TMEM18: variants seen among roughly 807,000 people sequenced by gnomAD.
TMEM18 encodes transmembrane protein 18.
TMEM18 carries 14 observed loss-of-function variants against 17.4 expected under a neutral mutation model. The ratio of observed to expected loss-of-function variants is 0.80; its 90% CI spans 0.53 to 1.25. The LOEUF (loss-of-function observed/expected upper bound fraction) is 1.25. Ranked by LOEUF, TMEM18 falls within the 50% of genes most tolerant of loss-of-function variation. TMEM18 has a pLI of 0.00. For synonymous variants in TMEM18, 86 were observed against 66.1 expected (o/e 1.30, Z -1.46); for missense variants, 187 against 172.1 (o/e 1.09, Z -0.48).
chr2:677,141 C>T (rs1207292577), intron 1 of TMEM18, 148 bp downstream of exon 1: 17 of 1,042,268 alleles, frequency 1.6e-5, no homozygotes, highest in Admixed American at 2.1e-5. Context: ...CCACAGGTCT[C>T]AGGACCCTGC....
intron 3 of TMEM18, chr2:670,630 C>CT (rs1204004859): frequency 2.0e-5 from 3 of 152,490 alleles, no homozygotes; most frequent in Admixed American, 2.0e-4. Context: ...CGCTTACACT[C>CT]TATACCATGG....
At chr2:675,890 A>G (rs1316883980) in intron 1 of TMEM18, 1 of 1,473,890 alleles carries the variant, frequency 6.8e-7, no homozygotes, top group Non-Finnish European at 9.0e-7. Context: ...TCAAGCACAC[A>G]GAACTGAAGG....
chr2:670,101 C>T, intron 3 of TMEM18: 1 of 447,942 alleles, frequency 2.2e-6, no homozygotes, highest in Non-Finnish European at 4.0e-6. Context: ...AGGAAAGACC[C>T]CGAGGCCTCC....
rs934340454 is a variant in TMEM18 at position 665,965 on chromosome 2, G to A, written c.*3615C>T. 8.8e-5 allele frequency among the ~76,000 whole-genome samples: 13 copies of A among 148,156 alleles called. No individual in the cohort carries two copies. The highest frequency in any genetic ancestry group is 2.2e-4 in the South Asian group (1 of 4,642). On this transcript the variant is annotated 3_prime_UTR_variant, in exon 5 of 5. Transcript: ENST00000281017. ...CCACGCACACAAAACCCAGAGATGC[G>A]GATGCCCAGCTCACTCGGATGGAGT...
At chr2:672,931 C>A in intron 2 of TMEM18, 69 bp from the exon 3 acceptor site, 1 of 1,354,556 alleles carries the variant, frequency 7.4e-7, no homozygotes, top group East Asian at 2.8e-5. Context: ...GTTATACATT[C>A]TTTACAGCAG....
chr2:677,054 C>T (rs1433056399), intron 1 of TMEM18: 1 of 403,090 alleles, frequency 2.5e-6, no homozygotes, highest in Admixed American at 4.8e-5. Flanking sequence ...CGCCCCGACG[C>T]CCGGCCCCGG....
At position 665,332 on chromosome 2, in the gene TMEM18, T is replaced by G. The variant is rs1678654626; in HGVS notation, c.*4248A>C. On this transcript the variant is annotated 3_prime_UTR_variant, in exon 5 of 5. Coordinates refer to ENST00000281017, the MANE Select transcript of TMEM18 (RefSeq NM_152834.4). ...ATAAAATAGAACCCAGAGATGCAGATGCACCACTCACTCAGATAGAGAATC... is the reference window on the plus strand; with the variant it reads ...ATAAAATAGAACCCAGAGATGCAGAGGCACCACTCACTCAGATAGAGAATC... Among the ~76,000 whole-genome samples, 1 of 150,370 alleles carries G rather than the reference T, an allele frequency of 6.7e-6. No homozygotes were observed. Among genetic ancestry groups the G allele is most frequent in the South Asian group, 2.1e-4 (1 of 4,748 alleles).
chr2:665,771 A>C lies in TMEM18; in HGVS notation c.*3809T>G, dbSNP rs1026408059. Among the ~76,000 whole-genome samples the C allele has an allele frequency of 6.6e-6, 1 of 151,966 alleles. No homozygotes were observed. The highest frequency in any genetic ancestry group is 2.4e-5 in the African/African-American group (1 of 41,348). ...CAGATGGAGCATCAACCCCACACAC[A>C]ACAGGACCCAGAGATGCAGATGCCC... On this transcript the variant is annotated 3_prime_UTR_variant, in exon 5 of 5. Transcript: ENST00000281017.
chr2:676,189 G>A lies in TMEM18; in HGVS notation c.58-559C>T, dbSNP rs1199913891. 2.2e-6 allele frequency: 3 copies of A among 1,354,906 alleles called. No individual in the cohort carries two copies. In the South Asian group the frequency reaches 3.7e-5, roughly 17 times the overall value. The allele number at this position is 1,354,906 out of a possible 1,614,324, so 83.9% of individuals were successfully genotyped here. On this transcript the variant is annotated intron_variant, in intron 1 of 4. Transcript: ENST00000281017. ...TCTCTGCAATACACTGAACTCTCCA[G>A]ACAGTGCCGCACTCCGCCGCCTCCT...
chr2:669,925 A>G, intron 3 of TMEM18, 75 bp from the exon 4 acceptor site: 1 of 1,212,844 alleles, frequency 8.2e-7, no homozygotes, highest in Non-Finnish European at 1.2e-6. Context: ...CTATTTAGAT[A>G]AGACTTTGGA....
chr2:673,275 G>A (rs1218243082), intron 2 of TMEM18, among the ~76,000 whole-genome samples: 3 of 152,216 alleles, frequency 2.0e-5, no homozygotes, highest in Admixed American at 6.5e-5. Context: ...GGCTTTTCAC[G>A]CTCACACTTC....
Position 677,240 on chromosome 2 carries a change from C to T in TMEM18, c.57+49G>A, listed in dbSNP as rs1053933752. The T allele has an allele frequency of 1.9e-6, 3 of 1,582,392 alleles. No homozygotes were observed. The African/African-American group carries it at 4.0e-5, about 21-fold the overall frequency. ...GTGCTCTGTGGGGCCTACCCTACGC[C>T]TCTCCGCCGTCCTCCCCCGAACTGG... is the stretch of plus-strand genomic sequence containing the variant. On this transcript the variant is annotated intron_variant, in intron 1 of 4. Transcript: ENST00000281017.
chr2:676,848 C>T (rs997465053), intron 1 of TMEM18: 3 of 605,922 alleles, frequency 5.0e-6, no homozygotes, highest in African/African-American at 1.9e-5. Flanking sequence ...CGGCGTGCAC[C>T]TCCCACACGA....
At chr2:669,927 G>T in intron 3 of TMEM18, 77 bp from the exon 4 acceptor site, 1 of 1,178,174 alleles carries the variant, frequency 8.5e-7, no homozygotes, top group African/African-American at 1.5e-5. Context: ...ATTTAGATAA[G>T]ACTTTGGAGA....
chr2:677,224 G>A (rs1052734928), intron 1 of TMEM18, 65 bp downstream of exon 1: 2 of 1,556,660 alleles, frequency 1.3e-6, no homozygotes, highest in Non-Finnish European at 1.7e-6. Context: ...GGTGCTCTGT[G>A]GGGCCTACCC....
At position 667,118 on chromosome 2, in the gene TMEM18, T is replaced by A. The variant is rs1678713227; in HGVS notation, c.*2462A>T. 6.6e-6 allele frequency among the ~76,000 whole-genome samples: 1 copy of A among 151,774 alleles called. No homozygotes were observed. The highest frequency in any genetic ancestry group is 1.5e-5 in the Non-Finnish European group (1 of 67,990). On this transcript the variant is annotated 3_prime_UTR_variant, in exon 5 of 5. Transcript: ENST00000281017. ...AGAAGCTAGCCATTCAGGTTGCATA[T>A]TGCTTTCTGATTTGATATACATTAT...
In TMEM18 at chr2:668,808, T is replaced by G. The variant is rs939651230; in HGVS notation, c.*772A>C. 1 of 152,192 alleles carries G rather than the reference T, an allele frequency of 6.6e-6. No homozygotes were observed. The highest frequency in any genetic ancestry group is 1.5e-5 in the Non-Finnish European group (1 of 68,042). 9.4% of individuals were successfully genotyped at this position (152,192 alleles called of 1,614,324 possible). On this transcript the variant is annotated 3_prime_UTR_variant, in exon 5 of 5. Transcript: ENST00000281017. ...CTAAATCAACAGAACACCAGGACAT[T>G]AGGAAAGACACGCTTCTCCATGGAG...
rs768786991 is a variant in TMEM18 at position 667,126 on chromosome 2, T to C, written c.*2454A>G. 2.6e-5 allele frequency among the ~76,000 whole-genome samples: 4 copies of C among 152,066 alleles called. No individual in the cohort carries two copies. Among genetic ancestry groups the C allele is most frequent in the Non-Finnish European group, 5.9e-5 (4 of 68,032 alleles). ...GCCATTCAGGTTGCATATTGCTTTCTGATTTGATATACATTATCTGTGCAA... is the reference window on the plus strand; with the variant it reads ...GCCATTCAGGTTGCATATTGCTTTCCGATTTGATATACATTATCTGTGCAA... On this transcript the variant is annotated 3_prime_UTR_variant, in exon 5 of 5. Transcript: ENST00000281017.
chr2:675,796 T>C, intron 1 of TMEM18, 166 bp from the exon 2 acceptor site: 1 of 1,531,840 alleles, frequency 6.5e-7, no homozygotes, highest in Non-Finnish European at 8.7e-7. Context: ...CAGAGAAACA[T>C]GGGGACAGGA....
Sources: gnomAD v4.1 joint callset for allele counts (sites outside exome capture counted in the v4.1 genomes callset) on GRCh38, gnomAD v4.1.1 for gene constraint, MANE v1.5 for transcripts, NCBI Gene and HGNC (gene_info 2026-07-23, HGNC 2026-07-21) for gene names.